Variants in ABCD3 observed in about 807,000 individuals in gnomAD.
ABCD3 encodes ATP-binding cassette sub-family D member 3.
A neutral mutation model predicts 105.5 loss-of-function variants in ABCD3; 41 were observed. The ratio of observed to expected loss-of-function variants is 0.39; its 90% CI spans 0.30 to 0.50. The LOEUF is 0.50. Ranked by LOEUF, ABCD3 falls within the 20% of genes least tolerant of loss-of-function variation. The pLI is 0.84. For synonymous variants in ABCD3, 258 were observed against 269.0 expected (o/e 0.96, Z 0.40); for missense variants, 622 against 806.3 (o/e 0.77, Z 2.77).
intron 1 of ABCD3, among the ~76,000 whole-genome samples, chr1:94,439,075 T>C (rs1280322381): frequency 6.6e-6 from 1 of 152,310 alleles, no homozygotes; most frequent in East Asian, 1.9e-4. Context: ...CAGAGCTTGT[T>C]CTGTAGTAAA....
intron 1 of ABCD3, among the ~76,000 whole-genome samples, chr1:94,438,321 C>A (rs1329411740): frequency 1.3e-5 from 2 of 150,132 alleles, no homozygotes; most frequent in Admixed American, 6.6e-5. Context: ...CACACACACA[C>A]ACACACACAC....
chr1:94,392,978 G>A, the ABCD3 span, among the ~76,000 whole-genome samples: 6 of 151,926 alleles, frequency 3.9e-5, no homozygotes, highest in East Asian at 3.9e-4. Context: ...TGGTTGTGGT[G>A]GCGCGCACCT....
intron 3 of ABCD3, among the ~76,000 whole-genome samples, chr1:94,465,571 T>C (rs368785652): frequency 4.6e-4 from 70 of 152,314 alleles, no homozygotes; most frequent in African/African-American, 1.7e-3. Context: ...TAAATACTGT[T>C]GATAAACACT....
chr1:94,436,548 ACTTTTTTGTG>A (rs1313517727), intron 1 of ABCD3, among the ~76,000 whole-genome samples: 33 of 152,008 alleles, frequency 2.2e-4, no homozygotes, highest in African/African-American at 7.7e-4. Flanking sequence ...ATTGCACTTT[ACTTTTTTGTG>A]CTTTGGCGGT....
Position 94,483,143 on chromosome 1 carries a change from T to G in ABCD3, c.828-27T>G, listed in dbSNP as rs753977374. ...TTCCAAGCATAGGTAACATTAAAAT[T>G]AATTGCTAAATTATTTTCTTTAATA... On this transcript the variant is annotated intron_variant, in intron 9 of 22. Transcript: ENST00000370214. 4.2e-6 allele frequency: 6 copies of G among 1,425,274 alleles called. No individual in the cohort carries two copies. The Admixed American group carries it at 1.0e-4, about 24-fold the overall frequency. 88.3% of individuals were successfully genotyped at this position (1,425,274 alleles called of 1,614,324 possible).
Position 94,517,062 on chromosome 1 carries a change from A to G in ABCD3, c.1913A>G (p.His638Arg), listed in dbSNP as rs1225217277. 6 of 1,609,360 alleles carry G rather than the reference A, an allele frequency of 3.7e-6. No individual in the cohort carries two copies. The highest frequency in any genetic ancestry group is 3.3e-5 in the Admixed American group (2 of 59,894). Residue 638 changes from histidine (H) to arginine (R), a missense_variant, in exon 23 of 23, where the codon CAT becomes CGT. Around this residue, in one of 4 missense-constraint regions of ABCD3, gnomAD observed 285 missense variants for 352.5 expected, o/e 0.81. Transcript: ENST00000370214. The part of the protein sequence containing the change: ...SLWKHHEYYL[H>R]MDGRGNYEFK... ...CCTTCTTTCCCATAGTACTACCTGC[A>G]TATGGATGGCAGAGGCAACTATGAA...
intron 1 of ABCD3, among the ~76,000 whole-genome samples, chr1:94,423,090 A>AT (rs913586488): frequency 3.5e-4 from 54 of 152,196 alleles, no homozygotes; most frequent in African/African-American, 1.2e-3. Context: ...GGCCACACTC[A>AT]TTTTTGGCTT....
intron 2 of ABCD3, among the ~76,000 whole-genome samples, chr1:94,459,314 G>A (rs188511490): frequency 2.6e-5 from 4 of 152,104 alleles, no homozygotes; most frequent in African/African-American, 9.6e-5. Context: ...TGTCTCATGT[G>A]ACATGGGTTC....
chr1:94,502,737 T>C (rs1306275990), intron 20 of ABCD3, among the ~76,000 whole-genome samples: 3 of 152,040 alleles, frequency 2.0e-5, no homozygotes, highest in African/African-American at 2.4e-5. Flanking sequence ...TGACCTCAAG[T>C]GATCCACCTG....
Position 94,517,054 on chromosome 1 carries a change from C to T in ABCD3, c.1905C>T (p.Tyr635=), listed in dbSNP as rs376363991. 1.2e-6 allele frequency: 2 copies of T among 1,606,840 alleles called. No individual in the cohort carries two copies. Among genetic ancestry groups the T allele is most frequent in the African/African-American group, 2.7e-5 (2 of 74,732 alleles). ...TTTTTCCCCCTTCTTTCCCATAGTA[C>T]TACCTGCATATGGATGGCAGAGGCA... The part of the protein sequence containing the change: ...HRKSLWKHHE[Y]YLHMDGRGNY... The change falls in exon 23 of 23, where the codon TAC becomes TAT. Residue 635 remains tyrosine, a splice_region_variant and synonymous_variant. Transcript: ENST00000370214.
intron 20 of ABCD3, among the ~76,000 whole-genome samples, chr1:94,505,485 AT>A (rs1288621253): frequency 1.3e-5 from 2 of 150,626 alleles, no homozygotes; most frequent in African/African-American, 4.9e-5. Flanking sequence ...AAGTGCTGGG[AT>A]TATAGGCGTG....
At chr1:94,505,394 T>TA (rs1650304486) in intron 20 of ABCD3, among the ~76,000 whole-genome samples, 1 of 120,752 alleles carries the variant, frequency 8.3e-6, no homozygotes, top group Non-Finnish European at 1.8e-5. Flanking sequence ...TTTTTTTTTT[T>TA]AAGAGATGTG....
chr1:94,435,638 AT>A, intron 1 of ABCD3, among the ~76,000 whole-genome samples: 1 of 152,324 alleles, frequency 6.6e-6, no homozygotes, highest in East Asian at 1.9e-4. Flanking sequence ...CAATATGGTG[AT>A]ATTTGAATTC....
At chr1:94,425,886 A>G (rs986150823) in intron 1 of ABCD3, among the ~76,000 whole-genome samples, 7 of 152,090 alleles carry the variant, frequency 4.6e-5, no homozygotes, top group African/African-American at 1.2e-4. Context: ...TGTAGGTTCA[A>G]TTTTTCCTTT....
At chr1:94,461,046 T>A (rs980040219) in intron 2 of ABCD3, among the ~76,000 whole-genome samples, 2 of 152,122 alleles carry the variant, frequency 1.3e-5, no homozygotes, top group African/African-American at 4.8e-5. Context: ...TAAATTTAGG[T>A]TATATTAAGT....
the ABCD3 span, among the ~76,000 whole-genome samples, chr1:94,386,774 G>C: frequency 6.6e-6 from 1 of 152,194 alleles, no homozygotes; most frequent in East Asian, 1.9e-4. Flanking sequence ...AGGATTGCTT[G>C]AACCCAAGAG....
chr1:94,431,208 A>G (rs966148465), intron 1 of ABCD3, among the ~76,000 whole-genome samples: 2 of 152,320 alleles, frequency 1.3e-5, no homozygotes, highest in South Asian at 4.1e-4. Context: ...AGGTGTGGCT[A>G]AAAAAGGTAA....
chr1:94,438,295 C>CAT (rs1192037081), intron 1 of ABCD3, among the ~76,000 whole-genome samples: 7 of 113,514 alleles, frequency 6.2e-5, no homozygotes, highest in Admixed American at 5.4e-4. Flanking sequence ...CACACACACA[C>CAT]ACACATACAC....
chr1:94,459,919 A>G (rs1647784458), intron 2 of ABCD3, among the ~76,000 whole-genome samples: 1 of 152,132 alleles, frequency 6.6e-6, no homozygotes. Flanking sequence ...AAGGTTCATC[A>G]TGTTGTTGTA....
Sources: gnomAD v4.1 joint callset for allele counts (sites outside exome capture counted in the v4.1 genomes callset) on GRCh38, gnomAD v4.1.1 for gene constraint, gnomAD v4.1.1 regional missense constraint, MANE v1.5 for transcripts, NCBI Gene and HGNC (gene_info 2026-07-23, HGNC 2026-07-21) for gene names.